The following ZDHHC21 variants were observed in gnomAD, a reference collection of about 807,000 sequenced individuals.
The protein encoded by ZDHHC21 is palmitoyltransferase ZDHHC21.
In ZDHHC21, 15 loss-of-function variants were observed where a neutral mutation model predicts 34.6. The ratio of observed to expected loss-of-function variants is 0.43; its 90% CI spans 0.29 to 0.67. The LOEUF (loss-of-function observed/expected upper bound fraction) is 0.67, where lower values mean the gene tolerates loss of function less well. Ranked by LOEUF, ZDHHC21 falls within the 30% of genes least tolerant of loss-of-function variation. The pLI is 0.14. For synonymous variants in ZDHHC21, 142 were observed against 101.8 expected (o/e 1.40, Z -2.38); for missense variants, 344 against 327.7 (o/e 1.05, Z -0.38).
chr9:14,627,127 TTAAC>T (rs1341010780), intron 8 of ZDHHC21, among the ~76,000 whole-genome samples: 3 of 152,114 alleles, frequency 2.0e-5, no homozygotes, highest in Non-Finnish European at 4.4e-5. Flanking sequence ...TAGGCAAAAT[TTAAC>T]TATAGGAATT....
At chr9:14,678,484 T>C (rs904064324) in intron 3 of ZDHHC21, among the ~76,000 whole-genome samples, 1 of 152,100 alleles carries the variant, frequency 6.6e-6, no homozygotes, top group Non-Finnish European at 1.5e-5. Flanking sequence ...AGGTACATTT[T>C]TCATCTACTG....
chr9:14,640,096 T>C, intron 7 of ZDHHC21, 84 bp from the exon 8 acceptor site: 1 of 668,518 alleles, frequency 1.5e-6, no homozygotes, highest in East Asian at 2.6e-5. Flanking sequence ...AATTGAGCCA[T>C]AACACATCTT....
chr9:14,589,036 A>C, the ZDHHC21 span: 1 of 11,734 alleles, frequency 8.5e-5, no homozygotes, highest in Admixed American at 1.0e-3. Flanking sequence ...TAAAAATACA[A>C]AAAAAAAAAT....
chr9:14,609,821 T>C (rs1823144823), downstream of ZDHHC21, among the ~76,000 whole-genome samples: 2 of 152,104 alleles, frequency 1.3e-5, no homozygotes, highest in African/African-American at 4.8e-5. Flanking sequence ...TGAGTTTTAG[T>C]GTAGTACCAG....
At chr9:14,590,609 G>C in the ZDHHC21 span, among the ~76,000 whole-genome samples, 2 of 152,084 alleles carry the variant, frequency 1.3e-5, no homozygotes, top group African/African-American at 4.8e-5. Flanking sequence ...AATGTGGGGA[G>C]GGGACAAACT....
chr9:14,688,633 G>A (rs1229618620), intron 2 of ZDHHC21, among the ~76,000 whole-genome samples: 4 of 152,074 alleles, frequency 2.6e-5, no homozygotes, highest in Admixed American at 1.3e-4. Flanking sequence ...AGGCAAAGGC[G>A]GGTGGATCAC....
chr9:14,648,933 G>C (rs1830733339), intron 7 of ZDHHC21, among the ~76,000 whole-genome samples: 1 of 133,298 alleles, frequency 7.5e-6, no homozygotes, highest in Admixed American at 7.6e-5. Flanking sequence ...ACTCTGAAAA[G>C]TAAAAATTTT....
intron 3 of ZDHHC21, among the ~76,000 whole-genome samples, chr9:14,675,966 G>C (rs1836299114): frequency 6.6e-6 from 1 of 151,952 alleles, no homozygotes; most frequent in Non-Finnish European, 1.5e-5. Flanking sequence ...AAATCATAAA[G>C]CTTTCTGTGG....
chr9:14,643,067 G>A (rs962910808), intron 7 of ZDHHC21, among the ~76,000 whole-genome samples: 2 of 152,032 alleles, frequency 1.3e-5, no homozygotes, highest in African/African-American at 4.8e-5. Flanking sequence ...GCGAAACCCC[G>A]TCTCTACTAA....
chr9:14,643,344 T>C (rs1334156943), intron 7 of ZDHHC21, among the ~76,000 whole-genome samples: 1 of 152,158 alleles, frequency 6.6e-6, no homozygotes, highest in Non-Finnish European at 1.5e-5. Flanking sequence ...TGTGTATTCC[T>C]TCCCCATTGC....
intron 8 of ZDHHC21, 148 bp from the exon 9 acceptor site, chr9:14,619,830 T>C (rs1165515832): frequency 5.1e-6 from 2 of 393,952 alleles, no homozygotes; most frequent in Non-Finnish European, 4.1e-6. Context: ...TTAAATTATC[T>C]TTCATACATT....
At chr9:14,650,902 C>T (rs1347031433) in intron 7 of ZDHHC21, among the ~76,000 whole-genome samples, 2 of 151,864 alleles carry the variant, frequency 1.3e-5, no homozygotes, top group Admixed American at 1.3e-4. Context: ...CTCTCATAGC[C>T]TTAAACGCAG....
the ZDHHC21 span, among the ~76,000 whole-genome samples, chr9:14,600,781 T>C: frequency 6.6e-6 from 1 of 152,164 alleles, no homozygotes; most frequent in Non-Finnish European, 1.5e-5. Flanking sequence ...CAAAACAGCA[T>C]GGTACTGGTA....
At position 14,680,083 on chromosome 9, in the gene ZDHHC21, A is replaced by C. The variant is rs2131594583; in HGVS notation, c.-96T>G. On this transcript the variant is annotated 5_prime_UTR_variant, in exon 3 of 10. Transcript: ENST00000380916. ...TGTAATTTTTCTGGAATCTGCATTTAGAGATTTTCTTTTGATTCATTTTTT... is the reference window on the plus strand; with the variant it reads ...TGTAATTTTTCTGGAATCTGCATTTCGAGATTTTCTTTTGATTCATTTTTT... 2 of 152,682 alleles carry C rather than the reference A, an allele frequency of 1.3e-5. No individual in the cohort carries two copies. Among genetic ancestry groups the C allele is most frequent in the Middle Eastern group, 6.8e-3 (2 of 294 alleles). 9.5% of individuals were successfully genotyped at this position (152,682 alleles called of 1,614,324 possible).
chr9:14,656,456 A>G (rs1392407940), intron 7 of ZDHHC21, among the ~76,000 whole-genome samples: 1 of 151,956 alleles, frequency 6.6e-6, no homozygotes, highest in Non-Finnish European at 1.5e-5. Flanking sequence ...GAGATAACAT[A>G]TAAACAAAAC....
Position 14,630,087 on chromosome 9 carries a change from T to C in ZDHHC21, c.621+9809A>G, listed in dbSNP as rs547225271. Among the ~76,000 whole-genome samples, 27 of 152,272 alleles carry C rather than the reference T, an allele frequency of 1.8e-4. No homozygotes were observed. In the East Asian group the frequency reaches 4.1e-3, roughly 23 times the overall value. On this transcript the variant is annotated intron_variant, in intron 8 of 9. Coordinates refer to ENST00000380916, the MANE Select transcript of ZDHHC21 (RefSeq NM_178566.6). Reference sequence around the variant, plus strand: ...AAAAAAACCAATAAAGTCTGCTGCATAGGTTGACTCTTCCTTTCATGAACG... The same window carrying C: ...AAAAAAACCAATAAAGTCTGCTGCACAGGTTGACTCTTCCTTTCATGAACG...
intron 8 of ZDHHC21, 83 bp downstream of exon 8, chr9:14,639,812 TA>T: frequency 1.3e-6 from 1 of 791,056 alleles, no homozygotes; most frequent in Non-Finnish European, 1.9e-6. Context: ...CTTTGATTTC[TA>T]AACTTCCTAT....
chr9:14,650,568 C>T (rs866972131), intron 7 of ZDHHC21, among the ~76,000 whole-genome samples: 10 of 151,772 alleles, frequency 6.6e-5, no homozygotes, highest in East Asian at 5.8e-4. Flanking sequence ...AGTACTCAGG[C>T]GACTTTAAAA....
chr9:14,674,162 A>T (rs1835937241), intron 4 of ZDHHC21, 25 bp downstream of exon 4: 1 of 1,448,098 alleles, frequency 6.9e-7, no homozygotes, highest in East Asian at 2.6e-5. Context: ...TAATTATACA[A>T]GAAAATAAAG....
Sources: allele counts gnomAD v4.1 joint callset (sites outside exome capture counted in the v4.1 genomes callset), GRCh38; gene constraint gnomAD v4.1.1; transcripts MANE v1.5; gene names NCBI Gene and HGNC (gene_info 2026-07-23, HGNC 2026-07-21).